Variants in FBXO31 observed in about 807,000 individuals in gnomAD.
The protein encoded by FBXO31 is F-box only protein 31.
FBXO31 carries 24 observed loss-of-function variants against 54.4 expected under a neutral mutation model. The observed-to-expected ratio is 0.44, with a 90% CI of 0.32 to 0.62. The LOEUF (loss-of-function observed/expected upper bound fraction) is 0.62, where lower values mean the gene tolerates loss of function less well. FBXO31 is among the 20% of genes least tolerant of loss of function. The probability of loss-of-function intolerance (pLI) is 0.05; values close to 1 mark genes in which losing one functional copy is unlikely to be tolerated. For missense variants in FBXO31, 665 were observed against 787.1 expected (o/e 0.84, Z 1.86); for synonymous variants, 388 against 335.6 (o/e 1.16, Z -1.71).
chr16:87,365,027 ATATATATATATATC>A (rs1906301615), intron 1 of FBXO31, among the ~76,000 whole-genome samples: 1 of 105,910 alleles, frequency 9.4e-6, no homozygotes, highest in South Asian at 3.4e-4. Context: ...ATATATATAT[ATATATATATATATC>A]AGGCAGGCCA....
intron 5 of FBXO31, among the ~76,000 whole-genome samples, chr16:87,341,087 C>T (rs987001396): frequency 1.3e-5 from 2 of 152,076 alleles, no homozygotes; most frequent in African/African-American, 4.8e-5. Context: ...AACATAAACT[C>T]CCCCCATCAA....
chr16:87,330,350 A>T lies in FBXO31; in HGVS notation c.*938T>A, dbSNP rs1405721328. On this transcript the variant is annotated 3_prime_UTR_variant, in exon 9 of 9. Coordinates refer to ENST00000311635, the MANE Select transcript of FBXO31 (RefSeq NM_024735.5). ...TGCAAAGGGGTTTCCTCGTCATCTC[A>T]TATGGGCACTCCTGGCACCTGTGTG... is the stretch of plus-strand genomic sequence containing the variant. 1.3e-5 allele frequency: 2 copies of T among 152,250 alleles called. No individual in the cohort carries two copies. Among genetic ancestry groups the T allele is most frequent in the Non-Finnish European group, 2.9e-5 (2 of 68,060 alleles). 9.4% of individuals were successfully genotyped at this position (152,250 alleles called of 1,614,324 possible). A position where few individuals can be genotyped will look rare whatever the true frequency, so the allele number is the denominator to read the frequency against.
chr16:87,390,692 G>A (rs1452793257), upstream of FBXO31, among the ~76,000 whole-genome samples: 1 of 152,050 alleles, frequency 6.6e-6, no homozygotes, highest in Non-Finnish European at 1.5e-5. Context: ...CTCCTGCCTT[G>A]ACCTCCCAAA....
At chr16:87,380,216 T>A (rs1489677553) in intron 1 of FBXO31, among the ~76,000 whole-genome samples, 1 of 141,222 alleles carries the variant, frequency 7.1e-6, no homozygotes, top group Non-Finnish European at 1.5e-5. Flanking sequence ...GAGAATTGCT[T>A]GAACTCAGGA....
rs1906002907 is a variant in FBXO31, at chr16:87,358,654, C to G, written c.412+1641G>C. 6.6e-6 allele frequency among the ~76,000 whole-genome samples: 1 copy of G among 152,154 alleles called. No homozygotes were observed. Among genetic ancestry groups the G allele is most frequent in the South Asian group, 2.1e-4 (1 of 4,828 alleles). ...GACACAGAGAGGTGGCTCTGAGAAACCTGCTGGAGAGAACAACACTGTGAC... is the reference window on the plus strand; with the variant it reads ...GACACAGAGAGGTGGCTCTGAGAAAGCTGCTGGAGAGAACAACACTGTGAC... On this transcript the variant is annotated intron_variant, in intron 2 of 8. Coordinates refer to ENST00000311635, the MANE Select transcript of FBXO31 (RefSeq NM_024735.5). The surrounding 1 kb of genome is among the most constrained non-coding windows in gnomAD (Gnocchi z 4.0).
At position 87,383,613 on chromosome 16, in the gene FBXO31, G is replaced by C. The variant is rs997258161; in HGVS notation, c.132C>G (p.Ile44Met). ...EPDTDPEEER[I>M]EASAGVGGGL... is the part of the protein sequence containing the mutation. ...CGCCCCCGACCCCGGCGCTAGCCTC[G>C]ATGCGCTCCTCCTCGGGGTCTGTGT... Residue 44 changes from isoleucine to methionine, a missense_variant, in exon 1 of 9, where the codon ATC (isoleucine) becomes ATG (methionine). Physicochemically the swap from Ile to Met is conservative, Grantham distance 10 (BLOSUM62 1). This residue lies in a region of FBXO31 where 195 missense variants were observed against 174.8 expected (regional missense o/e 1.12). Coordinates refer to ENST00000311635, the MANE Select transcript of FBXO31 (RefSeq NM_024735.5). This position sits in a 1 kb window ranked among gnomAD's most constrained non-coding sequence, Gnocchi z 4.9. The C allele has an allele frequency of 2.7e-6, 4 of 1,464,456 alleles. No homozygotes were observed. Among genetic ancestry groups the C allele is most frequent in the South Asian group, 2.7e-5 (2 of 75,212 alleles). The allele number at this position is 1,464,456 out of a possible 1,614,324, so 90.7% of individuals were successfully genotyped here. A position where few individuals can be genotyped will look rare whatever the true frequency, so the allele number is the denominator to read the frequency against.
At position 87,381,946 on chromosome 16, in the gene FBXO31, C is replaced by A. The variant is rs370175809; in HGVS notation, c.340+1459G>T. 1.2e-4 allele frequency among the ~76,000 whole-genome samples: 18 copies of A among 151,860 alleles called. 1 individual carries two copies. Among genetic ancestry groups the A allele is most frequent in the Admixed American group, 8.5e-4 (13 of 15,238 alleles). ...GCTGATGCGGGAGAATCACTTGAAC[C>A]TGGGAGACGGAGGTTGCAGTGAGCC... is the stretch of plus-strand genomic sequence containing the variant. On this transcript the variant is annotated intron_variant, in intron 1 of 8. Coordinates refer to ENST00000311635, the MANE Select transcript of FBXO31 (RefSeq NM_024735.5).
Position 87,336,038 on chromosome 16 carries a change from T to A in FBXO31, c.842+117A>T, listed in dbSNP as rs1333741378. 10 of 765,716 alleles carry A rather than the reference T, an allele frequency of 1.3e-5. No homozygotes were observed. The highest frequency in any genetic ancestry group is 1.8e-5 in the African/African-American group (1 of 56,728). 47.4% of individuals were successfully genotyped at this position (765,716 alleles called of 1,614,324 possible). The stretch of plus-strand genomic sequence containing the variant: ...CCCAGCCCCCAGCAGGAGAGAGGGC[T>A]GAACCCCAGCACCCACTGAGACAAA... On this transcript the variant is annotated intron_variant, in intron 6 of 8. Coordinates refer to ENST00000311635, the MANE Select transcript of FBXO31 (RefSeq NM_024735.5). This position sits in a 1 kb window ranked among gnomAD's most constrained non-coding sequence, Gnocchi z 6.5.
In FBXO31 at chr16:87,354,445, G is replaced by A. The variant is rs145922582; in HGVS notation, c.412+5850C>T. 3.0e-3 allele frequency among the ~76,000 whole-genome samples: 460 copies of A among 151,750 alleles called. 4 individuals are homozygous for A. The highest frequency in any genetic ancestry group is 3.3e-3 in the Non-Finnish European group (226 of 67,946). On this transcript the variant is annotated intron_variant, in intron 2 of 8. Transcript: ENST00000311635. ...ATAACCGCGCCAGTACTCCAGCCTG[G>A]GCAACAGAGCGAGATCCTGTCTCAA...
intron 5 of FBXO31, among the ~76,000 whole-genome samples, chr16:87,340,268 C>A (rs1313581834): frequency 6.6e-6 from 1 of 152,206 alleles, no homozygotes; most frequent in South Asian, 2.1e-4. Context: ...GTGTGGGGGA[C>A]AGGGCGAGAC....
chr16:87,340,786 CT>C (rs1341605865), intron 5 of FBXO31, among the ~76,000 whole-genome samples: 8 of 152,080 alleles, frequency 5.3e-5, no homozygotes, highest in Non-Finnish European at 1.2e-4. Flanking sequence ...GTGAGACACC[CT>C]CTCTCTTAAA....
At position 87,327,407 on chromosome 16, in the gene FBXO31, C is replaced by T. The variant is rs1199697014; in HGVS notation, c.*3881G>A. ...GCGCAGGGGCTCACGCCTGTAATCC[C>T]AGCACTTTGGGAGGCCGAGGCGGGT... On this transcript the variant is annotated 3_prime_UTR_variant, in exon 9 of 9. Coordinates refer to ENST00000311635, the MANE Select transcript of FBXO31 (RefSeq NM_024735.5). 2.0e-5 allele frequency: 3 copies of T among 152,946 alleles called. No homozygotes were observed. The highest frequency in any genetic ancestry group is 4.4e-5 in the Non-Finnish European group (3 of 68,650). 9.5% of individuals were successfully genotyped at this position (152,946 alleles called of 1,614,324 possible).
At position 87,336,284 on chromosome 16, in the gene FBXO31, C is replaced by A; in HGVS notation, c.733-20G>T. 1 of 1,606,106 alleles carries A rather than the reference C, an allele frequency of 6.2e-7. No homozygotes were observed. The highest frequency in any genetic ancestry group is 1.1e-5 in the South Asian group (1 of 90,942). ...AAACTCCTTCCAAAAGAACACAGGT[C>A]ATGAATATCCATATGACAGGAGGCT... On this transcript the variant is annotated intron_variant, in intron 5 of 8. Coordinates refer to ENST00000311635, the MANE Select transcript of FBXO31 (RefSeq NM_024735.5). This position sits in a 1 kb window ranked among gnomAD's most constrained non-coding sequence, Gnocchi z 6.5.
upstream of FBXO31, among the ~76,000 whole-genome samples, chr16:87,387,717 G>C (rs1808437): frequency 0.37 from 55,761 of 152,156 alleles, 13,185 homozygotes; most frequent in Non-Finnish European, 0.55. Flanking sequence ...TGAAGCAGGA[G>C]AATGGTGTGA....
intron 8 of FBXO31, 77 bp from the exon 9 acceptor site, chr16:87,331,587 C>G (rs1904862005): frequency 8.1e-7 from 1 of 1,238,696 alleles, no homozygotes; most frequent in Non-Finnish European, 1.1e-6. Context: ...CATTCTGCGA[C>G]CCCGCTCTGT....
intron 2 of FBXO31, 65 bp downstream of exon 2, chr16:87,360,230 T>C (rs763721709): frequency 3.2e-5 from 46 of 1,417,414 alleles, no homozygotes; most frequent in Non-Finnish European, 4.3e-5. Context: ...TTATTTGTCA[T>C]TGATGTGCAC....
chr16:87,332,532 AAAC>A (rs1037145845), intron 8 of FBXO31, among the ~76,000 whole-genome samples: 8 of 152,226 alleles, frequency 5.3e-5, no homozygotes, highest in African/African-American at 1.9e-4. Flanking sequence ...ATATTAGCGA[AAAC>A]AACACTCCAA....
Position 87,383,349 on chromosome 16 carries a change from C to T in FBXO31, c.340+56G>A. 1 of 1,423,002 alleles carries T rather than the reference C, an allele frequency of 7.0e-7. No homozygotes were observed. The highest frequency in any genetic ancestry group is 9.5e-7 in the Non-Finnish European group (1 of 1,056,734). The allele number at this position is 1,423,002 out of a possible 1,614,324, so 88.1% of individuals were successfully genotyped here. ...CCCCCGCCACTCCCAGCTCCGAGGC[C>T]TCCACCTGGCAGGGACCCCCCGCCC... On this transcript the variant is annotated intron_variant, in intron 1 of 8. Coordinates refer to ENST00000311635, the MANE Select transcript of FBXO31 (RefSeq NM_024735.5). The surrounding 1 kb of genome is among the most constrained non-coding windows in gnomAD (Gnocchi z 4.9).
At chr16:87,387,072 G>A (rs1907349127), upstream of FBXO31, among the ~76,000 whole-genome samples, 1 of 152,064 alleles carries the variant, frequency 6.6e-6, no homozygotes, top group Non-Finnish European at 1.5e-5. Flanking sequence ...GCTGAGCAGG[G>A]AAGATTGCTT....
Sources: allele counts gnomAD v4.1 joint callset (sites outside exome capture counted in the v4.1 genomes callset), GRCh38; gene constraint gnomAD v4.1.1; regional missense constraint gnomAD v4.1.1; non-coding constraint Gnocchi (gnomAD v3.1); transcripts MANE v1.5; gene names NCBI Gene and HGNC (gene_info 2026-07-23, HGNC 2026-07-21).